ANXA3: variants seen among roughly 807,000 people sequenced by gnomAD.
ANXA3 encodes 35-alpha calcimedin.
Under a neutral mutation model 48.8 loss-of-function variants are expected in ANXA3, and 46 were observed. The ratio of observed to expected loss-of-function variants is 0.94; its 90% CI spans 0.74 to 1.21. The LOEUF is 1.21. ANXA3 is among the 50% of genes most tolerant of loss of function. The pLI, the probability that ANXA3 is intolerant of heterozygous loss-of-function variation, is 0.00. For synonymous variants in ANXA3, 128 were observed against 134.7 expected, an observed-to-expected ratio of 0.95 and a Z score of 0.35; for missense variants, 383 against 378.6, an observed-to-expected ratio of 1.01 and a Z score of -0.10.
At chr4:78,595,557 G>C (rs1307504678) in intron 8 of ANXA3, 120 bp downstream of exon 8, 4 of 1,091,950 alleles carry the variant, frequency 3.7e-6, no homozygotes, top group Non-Finnish European at 5.2e-6. Flanking sequence ...TTTTTTTCCT[G>C]TTTGAAAGAG....
Position 78,610,227 on chromosome 4 carries a change from T to G in ANXA3, c.*112T>G, listed in dbSNP as rs1042515. 86,750 of 604,654 alleles carry G rather than the reference T, an allele frequency of 0.14. 7,148 individuals are homozygous for G. Among genetic ancestry groups the G allele is most frequent in the East Asian group, 0.32 (10,997 of 34,870 alleles). The allele number at this position is 604,654 out of a possible 1,614,324, so 37.5% of individuals were successfully genotyped here. ...AAATATAAACAGCAACTTGTGTTCCTAACAGGAATTTTCATTGTTCTATAA... is the reference window on the plus strand; with the variant it reads ...AAATATAAACAGCAACTTGTGTTCCGAACAGGAATTTTCATTGTTCTATAA... On this transcript the variant is annotated 3_prime_UTR_variant, in exon 13 of 13. Transcript: ENST00000264908.
intron 7 of ANXA3, among the ~76,000 whole-genome samples, chr4:78,594,030 T>C (rs1157264620): frequency 6.6e-6 from 1 of 152,112 alleles, no homozygotes; most frequent in Non-Finnish European, 1.5e-5. Flanking sequence ...AGTTTCACTG[T>C]CCTAAAAATC....
intron 6 of ANXA3, among the ~76,000 whole-genome samples, chr4:78,588,753 A>G (rs1305966961): frequency 6.6e-6 from 1 of 152,162 alleles, no homozygotes; most frequent in Non-Finnish European, 1.5e-5. Flanking sequence ...TAGCCGTCAG[A>G]TAGCTTGCAC....
At chr4:78,605,125 G>C (rs1723621196) in intron 12 of ANXA3, among the ~76,000 whole-genome samples, 1 of 152,086 alleles carries the variant, frequency 6.6e-6, no homozygotes, top group African/African-American at 2.4e-5. Context: ...CAAACTTTTA[G>C]GTTTTTAAAA....
At chr4:78,599,447 A>G (rs1318258826) in intron 10 of ANXA3, among the ~76,000 whole-genome samples, 1 of 152,244 alleles carries the variant, frequency 6.6e-6, no homozygotes, top group Non-Finnish European at 1.5e-5. Context: ...GAATCGTGTA[A>G]TAGGAGCATA....
intron 6 of ANXA3, among the ~76,000 whole-genome samples, chr4:78,588,228 T>TA (rs773534471): frequency 4.6e-5 from 7 of 151,490 alleles, no homozygotes; most frequent in South Asian, 2.1e-4. Context: ...CCCGTCTCTA[T>TA]AAAAAATACC....
intron 7 of ANXA3, among the ~76,000 whole-genome samples, chr4:78,592,428 G>A (rs867676): frequency 0.028 from 4,223 of 152,272 alleles, 188 homozygotes; most frequent in African/African-American, 0.097. Context: ...CTAAATTATG[G>A]TTTCAGTTAC....
rs1175685277 is a variant in ANXA3 at position 78,579,111 on chromosome 4, C to T, written c.188C>T (p.Ala63Val). The change falls in exon 4 of 13, where the codon GCA (alanine) becomes GTA (valine). Residue 63 changes from alanine (A) to valine (V), a missense_variant. Ala to Val is a moderately conservative substitution (Grantham distance 64). Transcript: ENST00000264908. ...RQLIVKEYQA[A>V]YGKELKDDLK... ...CTGATTGTTAAGGAATATCAAGCAG[C>T]ATATGGAAAGGTAAGGTCACATTAA... 3 of 1,609,118 alleles carry T rather than the reference C, an allele frequency of 1.9e-6. No individual in the cohort carries two copies. The highest frequency in any genetic ancestry group is 4.5e-5 in the East Asian group (2 of 44,832).
intron 2 of ANXA3, among the ~76,000 whole-genome samples, chr4:78,559,133 G>A (rs1403976221): frequency 1.3e-5 from 2 of 151,990 alleles, no homozygotes; most frequent in African/African-American, 4.8e-5. Context: ...AGGCTGGAGT[G>A]CAGTGGTGCA....
chr4:78,587,288 T>G (rs1723198816), intron 6 of ANXA3, among the ~76,000 whole-genome samples: 1 of 152,098 alleles, frequency 6.6e-6, no homozygotes. Flanking sequence ...TCCCCAGAGG[T>G]CAGGCTGATA....
chr4:78,592,692 A>C (rs1482160167), intron 7 of ANXA3, among the ~76,000 whole-genome samples: 1 of 152,192 alleles, frequency 6.6e-6, no homozygotes, highest in Non-Finnish European at 1.5e-5. Context: ...TAAAGCATTC[A>C]TTTTCATATC....
intron 10 of ANXA3, 98 bp from the exon 11 acceptor site, chr4:78,601,412 T>A: frequency 1.8e-6 from 2 of 1,117,830 alleles, no homozygotes; most frequent in Non-Finnish European, 2.7e-6. Context: ...TAGAGTGGTA[T>A]GACAGTCCAA....
intron 2 of ANXA3, among the ~76,000 whole-genome samples, chr4:78,560,497 G>A (rs1328146633): frequency 1.3e-5 from 2 of 152,200 alleles, no homozygotes; most frequent in African/African-American, 4.8e-5. Flanking sequence ...TCTCCCTGTG[G>A]CATCAGGGCA....
rs192878838 is a variant in ANXA3, at chr4:78,572,345, C to T, written c.16-835C>T. Among the ~76,000 whole-genome samples, 474 of 152,270 alleles carry T rather than the reference C, an allele frequency of 3.1e-3. 1 individual carries two copies. The highest frequency in any genetic ancestry group is 0.011 in the African/African-American group (450 of 41,538). On this transcript the variant is annotated intron_variant, in intron 2 of 12. Transcript: ENST00000264908. ...TTCAACTGTAACTGCCAGATGGGTT[C>T]TTCCTGCTCACTGTGCAGACAAAAT...
intron 12 of ANXA3, among the ~76,000 whole-genome samples, chr4:78,606,794 AT>A (rs33944058): frequency 0.63 from 95,339 of 151,964 alleles, 31,651 homozygotes; most frequent in East Asian, 0.9. Flanking sequence ...ACAGAAAGAG[AT>A]GCTGAGATGC....
intron 1 of ANXA3, among the ~76,000 whole-genome samples, chr4:78,553,192 G>C (rs1047689041): frequency 1.3e-5 from 2 of 152,224 alleles, no homozygotes; most frequent in African/African-American, 4.8e-5. Flanking sequence ...CCTAGATGCA[G>C]TAGGGGTCCA....
chr4:78,564,536 G>C lies in ANXA3; in HGVS notation c.16-8644G>C, dbSNP rs150874454. 2.3e-4 allele frequency among the ~76,000 whole-genome samples: 35 copies of C among 152,312 alleles called. No individual in the cohort carries two copies. The East Asian group carries it at 6.0e-3, about 26-fold the overall frequency. ...ACTGGGCTCCCAGCTGGATAAATAGGAATGAGTGAAACAAATGTCTCTGCC... is the reference window on the plus strand; with the variant it reads ...ACTGGGCTCCCAGCTGGATAAATAGCAATGAGTGAAACAAATGTCTCTGCC... On this transcript the variant is annotated intron_variant, in intron 2 of 12. Coordinates refer to ENST00000264908, the MANE Select transcript of ANXA3 (RefSeq NM_005139.3).
At chr4:78,585,012 A>G (rs1405985685) in intron 5 of ANXA3, among the ~76,000 whole-genome samples, 2 of 152,236 alleles carry the variant, frequency 1.3e-5, no homozygotes, top group African/African-American at 2.4e-5. Context: ...GCGCAAGTCC[A>G]GTACCCCTGT....
chr4:78,571,348 G>C (rs1722837703), intron 2 of ANXA3, among the ~76,000 whole-genome samples: 1 of 152,138 alleles, frequency 6.6e-6, no homozygotes, highest in Non-Finnish European at 1.5e-5. Context: ...TTCAGGTCAG[G>C]AACATTCACA....
Sources: gnomAD v4.1 joint callset for allele counts (sites outside exome capture counted in the v4.1 genomes callset) on GRCh38, gnomAD v4.1.1 for gene constraint, MANE v1.5 for transcripts, NCBI Gene and HGNC (gene_info 2026-07-23, HGNC 2026-07-21) for gene names.